LONRF2: variants seen among roughly 807,000 people sequenced by gnomAD.
The protein encoded by LONRF2 is LON peptidase N-terminal domain and RING finger protein 2.
A neutral mutation model predicts 66.6 loss-of-function variants in LONRF2; 35 were observed. The ratio of observed to expected loss-of-function variants is 0.53; its 90% CI spans 0.40 to 0.70. The LOEUF (loss-of-function observed/expected upper bound fraction) is 0.70, where lower values mean the gene tolerates loss of function less well. Among genes scored for constraint, LONRF2 ranks in the 30% least tolerant of loss-of-function variants. The probability of loss-of-function intolerance (pLI) is 0.00; values close to 1 mark genes in which losing one functional copy is unlikely to be tolerated. For missense variants in LONRF2, 902 were observed against 1,002.1 expected (o/e 0.90, Z 1.35); for synonymous variants, 417 against 418.1 (o/e 1.00, Z 0.03).
intron 1 of LONRF2, among the ~76,000 whole-genome samples, chr2:100,313,481 T>A (rs1017847445): frequency 1.3e-5 from 2 of 152,020 alleles, no homozygotes; most frequent in Non-Finnish European, 2.9e-5. Context: ...GGTGACAGAG[T>A]GAGACCCAGT....
At chr2:100,286,803 CA>C in intron 11 of LONRF2, 110 bp downstream of exon 11, 1 of 1,282,500 alleles carries the variant, frequency 7.8e-7, no homozygotes, top group South Asian at 1.6e-5. Flanking sequence ...GGTTCATAAG[CA>C]ACCACATTGG....
intron 3 of LONRF2, among the ~76,000 whole-genome samples, chr2:100,301,481 G>GTA (rs2105726383): frequency 6.6e-6 from 1 of 152,340 alleles, no homozygotes; most frequent in South Asian, 2.1e-4. Context: ...CAAGGTGAGT[G>GTA]CGCTAGAATC....
At chr2:100,299,034 C>T in intron 6 of LONRF2, 84 bp from the exon 7 acceptor site, 1 of 1,074,500 alleles carries the variant, frequency 9.3e-7, no homozygotes, top group East Asian at 2.4e-5. Context: ...ATTCCTTATG[C>T]AATCCCCTTT....
Position 100,321,678 on chromosome 2 carries a change from T to G in LONRF2, c.416A>C (p.Asp139Ala). 1 of 1,268,008 alleles carries G rather than the reference T, an allele frequency of 7.9e-7. No homozygotes were observed. Among genetic ancestry groups the G allele is most frequent in the Non-Finnish European group, 9.9e-7 (1 of 1,011,166 alleles). The allele number at this position is 1,268,008 out of a possible 1,614,324, so 78.5% of individuals were successfully genotyped here. A position where few individuals can be genotyped will look rare whatever the true frequency, so the allele number is the denominator to read the frequency against. ...GPAPEPRAPR[D>A]LLGCPRCRRL... ...CCGGCAGCGCGGGCAGCCGAGCAGG[T>G]CGCGGGGCGCGCGGGGCTCCGGGGC... Residue 139 changes from aspartate to alanine, a missense_variant, in exon 1 of 12, where the codon GAC becomes GCC. Asp to Ala is a moderately radical substitution (Grantham distance 126). Around this residue, in one of 2 missense-constraint regions of LONRF2, gnomAD observed 585 missense variants for 569.9 expected, o/e 1.03. Coordinates refer to ENST00000393437, the MANE Select transcript of LONRF2 (RefSeq NM_198461.4).
chr2:100,291,326 A>G (rs1674955937), intron 9 of LONRF2, among the ~76,000 whole-genome samples: 1 of 152,100 alleles, frequency 6.6e-6, no homozygotes, highest in South Asian at 2.1e-4. Context: ...CCCTGCAGTG[A>G]GGCAGGCTTG....
At chr2:100,288,644 A>G (rs1392570657) in intron 10 of LONRF2, among the ~76,000 whole-genome samples, 1 of 152,048 alleles carries the variant, frequency 6.6e-6, no homozygotes, top group African/African-American at 2.4e-5. Flanking sequence ...TACAAAGCCA[A>G]CCCCACAAGC....
intron 10 of LONRF2, among the ~76,000 whole-genome samples, chr2:100,289,430 CTTTTTTTT>C (rs10543662): frequency 1.3e-5 from 1 of 77,076 alleles, no homozygotes; most frequent in Non-Finnish European, 2.2e-5. Flanking sequence ...ACAATAAGGT[CTTTTTTTT>C]TTTTTTTTTT....
chr2:100,311,238 C>A (rs1413284349), intron 1 of LONRF2, among the ~76,000 whole-genome samples: 3 of 151,992 alleles, frequency 2.0e-5, no homozygotes, highest in Non-Finnish European at 4.4e-5. Context: ...CAGTTAAATG[C>A]ATTTTGAAAT....
At chr2:100,289,153 A>C (rs77462475) in intron 10 of LONRF2, among the ~76,000 whole-genome samples, 2,277 of 141,826 alleles carry the variant, frequency 0.016, 53 homozygotes, top group African/African-American at 0.054. Context: ...ACTGCTGTTC[A>C]TGAGTCAAAC....
At chr2:100,316,556 T>C (rs1160346489) in intron 1 of LONRF2, among the ~76,000 whole-genome samples, 1 of 152,182 alleles carries the variant, frequency 6.6e-6, no homozygotes, top group Admixed American at 6.5e-5. Flanking sequence ...CTGGTTTCAA[T>C]CTTTTAATAT....
intron 2 of LONRF2, among the ~76,000 whole-genome samples, chr2:100,304,132 A>G (rs1675240413): frequency 6.7e-6 from 1 of 149,620 alleles, no homozygotes; most frequent in African/African-American, 2.5e-5. Flanking sequence ...CAGCATTGAT[A>G]ATTTTTATCT....
At position 100,298,836 on chromosome 2, in the gene LONRF2, T is replaced by A. The variant is rs1675122107; in HGVS notation, c.1476A>T (p.Glu492Asp). ...HCPLCKDKLS[E>D]LLASRNFNIT... ...CCGTCATTTCCTAAAGTGTACTTAC[T>A]TCCGAAAGTTTGTCTTTGCACAAAG... The change falls in exon 7 of 12, where the codon GAA (glutamate) becomes GAT (aspartate). Residue 492 changes from glutamate (E) to aspartate (D), a missense_variant and splice_region_variant. Physicochemically the swap from Glu to Asp is conservative, Grantham distance 45. Around this residue, in one of 2 missense-constraint regions of LONRF2, gnomAD observed 317 missense variants for 432.2 expected, o/e 0.73. Coordinates refer to ENST00000393437, the MANE Select transcript of LONRF2 (RefSeq NM_198461.4). The A allele has an allele frequency of 6.2e-7, 1 of 1,612,168 alleles. No individual in the cohort carries two copies.
chr2:100,321,263 T>C, intron 1 of LONRF2, 152 bp downstream of exon 1: 1 of 686,080 alleles, frequency 1.5e-6, no homozygotes, highest in African/African-American at 1.9e-5. Context: ...CGCCCCCACC[T>C]TTCACCTTCC....
chr2:100,298,696 A>T, intron 7 of LONRF2, 140 bp downstream of exon 7: 1 of 615,364 alleles, frequency 1.6e-6, no homozygotes, highest in Non-Finnish European at 2.9e-6. Context: ...CATCAAAGAG[A>T]TGAGAAAAGA....
rs1381075137 is a variant in LONRF2 at position 100,281,167 on chromosome 2, T to C, written c.*3131A>G. The C allele has an allele frequency of 6.6e-6, 1 of 152,254 alleles. No individual in the cohort carries two copies. The highest frequency in any genetic ancestry group is 1.5e-5 in the Non-Finnish European group (1 of 68,052). 9.4% of individuals were successfully genotyped at this position (152,254 alleles called of 1,614,324 possible). On this transcript the variant is annotated 3_prime_UTR_variant, in exon 12 of 12. Transcript: ENST00000393437. ...AAAGTGATAATATCATAGTTCATTG[T>C]TATTCTACCATCCATAAACTTCAAC... is the stretch of plus-strand genomic sequence containing the variant.
chr2:100,277,550 G>A lies in LONRF2; in HGVS notation c.*6748C>T, dbSNP rs142498055. On this transcript the variant is annotated 3_prime_UTR_variant, in exon 12 of 12. Coordinates refer to ENST00000393437, the MANE Select transcript of LONRF2 (RefSeq NM_198461.4). ...GTCATCCTCCCGCAGACCCCTTGGT[G>A]TCCCTTAGATTAACTGAGTGAACAG... The A allele has an allele frequency of 0.01, 1,565 of 152,324 alleles. 18 individuals are homozygous for A. The highest frequency in any genetic ancestry group is 0.017 in the Non-Finnish European group (1,153 of 68,080). 9.4% of individuals were successfully genotyped at this position (152,324 alleles called of 1,614,324 possible).
chr2:100,287,317 A>G (rs1360974585), intron 10 of LONRF2, among the ~76,000 whole-genome samples: 2 of 152,218 alleles, frequency 1.3e-5, no homozygotes, highest in Admixed American at 1.3e-4. Context: ...ATAATGTTCA[A>G]TGGCTGCATG....
At chr2:100,294,563 C>T (rs1308407153) in intron 8 of LONRF2, among the ~76,000 whole-genome samples, 176 bp from the exon 9 acceptor site, 4 of 152,196 alleles carry the variant, frequency 2.6e-5, no homozygotes, top group African/African-American at 9.7e-5. Flanking sequence ...ATTCTCTGCT[C>T]ACCCAGGTTT....
intron 4 of LONRF2, 66 bp from the exon 5 acceptor site, chr2:100,299,984 G>A: frequency 2.8e-6 from 2 of 719,856 alleles, no homozygotes; most frequent in Non-Finnish European, 4.3e-6. Context: ...GAAAAAGAAT[G>A]CAGAAGCCTG....
Sources: gnomAD v4.1 joint callset for allele counts (sites outside exome capture counted in the v4.1 genomes callset) on GRCh38, gnomAD v4.1.1 for gene constraint, gnomAD v4.1.1 regional missense constraint, MANE v1.5 for transcripts, NCBI Gene and HGNC (gene_info 2026-07-23, HGNC 2026-07-21) for gene names.